The following CHM variants were observed in gnomAD, a reference collection of about 807,000 sequenced individuals.
The protein encoded by CHM is CHM Rab escort protein, also known as rab proteins geranylgeranyltransferase component A 1.
In CHM, 10 loss-of-function variants were observed where a neutral mutation model predicts 49.0. The ratio of observed to expected loss-of-function variants is 0.20; its 90% CI spans 0.13 to 0.35. CHM has a LOEUF of 0.35. Ranked by LOEUF, CHM falls within the 10% of genes least tolerant of loss-of-function variation. The pLI is 1.00. For missense variants in CHM, 455 were observed against 478.4 expected, an observed-to-expected ratio of 0.95 and a Z score of 0.46; for synonymous variants, 184 against 167.5, an observed-to-expected ratio of 1.10 and a Z score of -0.76.
intron 2 of CHM, among the ~76,000 whole-genome samples, chrX:85,997,830 A>G (rs1932510921): frequency 9.0e-6 from 1 of 111,186 alleles, no homozygotes; most frequent in Admixed American, 9.6e-5. Flanking sequence ...CATGCTTGTA[A>G]TCCTAGCTAC....
intron 8 of CHM, among the ~76,000 whole-genome samples, chrX:85,944,403 T>C (rs1224071155): frequency 8.9e-6 from 1 of 112,028 alleles, no homozygotes; most frequent in Non-Finnish European, 1.9e-5. Context: ...TTACAGTCTA[T>C]ATAAATGCAC....
In CHM at chrX:85,864,931, T is replaced by G. The variant is rs773362860; in HGVS notation, c.1771-110A>C. On this transcript the variant is annotated intron_variant, in intron 14 of 14. Coordinates refer to ENST00000357749, the MANE Select transcript of CHM (RefSeq NM_000390.4). ...AGTGTTTTATCCTTAAAAATTTGCT[T>G]AAACAGGCTACAGTACTTAATCAGA... The G allele has an allele frequency of 1.4e-5, 10 of 710,154 alleles. No individual in the cohort carries two copies. In the East Asian group the frequency reaches 3.5e-4, roughly 25 times the overall value. 58.5% of individuals were successfully genotyped at this position (710,154 alleles called of 1,213,427 possible). A position where few individuals can be genotyped will look rare whatever the true frequency, so the allele number is the denominator to read the frequency against.
chrX:85,978,826 G>C lies in CHM; in HGVS notation c.255C>G (p.Ala85=). Residue 85 remains alanine, a synonymous_variant, in exon 4 of 15, where the codon GCC becomes GCG. Transcript: ENST00000357749. ...WQDQILENEE[A]IALSRKDKTI... is the part of the protein sequence containing the mutation. The stretch of plus-strand genomic sequence containing the variant: ...TTTTGTCCTTCCTGCTAAGAGCAAT[G>C]GCTTCTTCATTTTCAAGGATCTGGT... 3.3e-6 allele frequency: 4 copies of C among 1,205,244 alleles called. No individual in the cohort carries two copies. Among genetic ancestry groups the C allele is most frequent in the Non-Finnish European group, 4.5e-6 (4 of 890,122 alleles).
intron 2 of CHM, among the ~76,000 whole-genome samples, chrX:86,004,669 C>G (rs1476337979): frequency 8.9e-6 from 1 of 111,774 alleles, no homozygotes; most frequent in Non-Finnish European, 1.9e-5. Flanking sequence ...ACAAAGAAGG[C>G]CATTACATAA....
At chrX:85,966,451 T>C (rs1232592468) in intron 4 of CHM, among the ~76,000 whole-genome samples, 1 of 110,911 alleles carries the variant, frequency 9.0e-6, no homozygotes, top group Non-Finnish European at 1.9e-5. Flanking sequence ...TGCATTCACA[T>C]GACAAAAGCC....
intron 2 of CHM, among the ~76,000 whole-genome samples, chrX:85,993,933 G>T (rs1932325556): frequency 8.9e-6 from 1 of 111,917 alleles, no homozygotes; most frequent in South Asian, 3.7e-4. Context: ...CCACAGCTTT[G>T]CACATACTTC....
chrX:85,906,908 CTG>C (rs1478573262), intron 9 of CHM, among the ~76,000 whole-genome samples: 248 of 111,795 alleles, frequency 2.2e-3, no homozygotes, highest in African/African-American at 7.8e-3. Flanking sequence ...CTGAGGCCGG[CTG>C]ATCACCTGAG....
chrX:86,046,188 AG>A (rs1205955405), intron 1 of CHM, among the ~76,000 whole-genome samples: 1 of 112,402 alleles, frequency 8.9e-6, no homozygotes, highest in African/African-American at 3.2e-5. Flanking sequence ...GCACTAAGCA[AG>A]ACCTAAAACC....
chrX:85,942,455 C>T (rs1166451718), intron 8 of CHM, among the ~76,000 whole-genome samples: 2 of 111,516 alleles, frequency 1.8e-5, no homozygotes. Flanking sequence ...TGTGATGAAA[C>T]TATGGACTTC....
In CHM at chrX:86,047,470, C is replaced by G; in HGVS notation, c.49+14G>C. 1 of 1,203,555 alleles carries G rather than the reference C, an allele frequency of 8.3e-7. No individual in the cohort carries two copies. Among genetic ancestry groups the G allele is most frequent in the Non-Finnish European group, 1.1e-6 (1 of 888,382 alleles). On this transcript the variant is annotated intron_variant, in intron 1 of 14. Transcript: ENST00000357749. ...TTCCTAAACTTTGTCCAGGAAGCAC[C>G]AGGCTACACATACCCGTCCCTATTA...
At chrX:86,019,067 A>G (rs1390324233) in intron 2 of CHM, among the ~76,000 whole-genome samples, 15 of 111,856 alleles carry the variant, frequency 1.3e-4, no homozygotes, top group Non-Finnish European at 2.8e-4. Context: ...TGCTTCTGGG[A>G]GGTGGGACAG....
chrX:85,990,640 T>C (rs974319926), intron 2 of CHM, among the ~76,000 whole-genome samples: 1 of 111,539 alleles, frequency 9.0e-6, no homozygotes, highest in Non-Finnish European at 1.9e-5. Context: ...AAAATAGTAC[T>C]GAAACTAAAT....
intron 4 of CHM, among the ~76,000 whole-genome samples, chrX:85,972,673 C>G (rs753681052): frequency 8.9e-6 from 1 of 112,791 alleles, no homozygotes; most frequent in African/African-American, 3.2e-5. Flanking sequence ...GCCAAGCCCA[C>G]GCCCACCCGG....
intron 4 of CHM, chrX:85,969,163 T>C: frequency 1.4e-6 from 1 of 733,275 alleles, no homozygotes; most frequent in South Asian, 7.0e-5. Flanking sequence ...AGGTAACAAA[T>C]AAGTTTTCAT....
chrX:85,869,285 TC>T (rs1322483823), intron 14 of CHM, among the ~76,000 whole-genome samples: 5 of 111,845 alleles, frequency 4.5e-5, no homozygotes, highest in Non-Finnish European at 9.4e-5. Context: ...AAATAGAATG[TC>T]AGTAACATTT....
At position 85,863,103 on chromosome X, in the gene CHM, T is replaced by G. The variant is rs1045416630; in HGVS notation, c.*1527A>C. ...TGCCTATGTACAGCCCCCTTTTTTT[T>G]TTTTTGTGAGACAGAGTCTTGCTCT... On this transcript the variant is annotated 3_prime_UTR_variant, in exon 15 of 15. Coordinates refer to ENST00000357749, the MANE Select transcript of CHM (RefSeq NM_000390.4). The G allele has an allele frequency of 9.1e-6, 1 of 110,077 alleles. No individual in the cohort carries two copies. Among genetic ancestry groups the G allele is most frequent in the African/African-American group, 3.3e-5 (1 of 30,091 alleles). 9.1% of individuals were successfully genotyped at this position (110,077 alleles called of 1,213,427 possible). A position where few individuals can be genotyped will look rare whatever the true frequency, so the allele number is the denominator to read the frequency against.
At chrX:85,913,014 G>GAAAAA (rs755460793) in intron 8 of CHM, among the ~76,000 whole-genome samples, 3 of 38,241 alleles carry the variant, frequency 7.8e-5, no homozygotes, top group African/African-American at 9.7e-5. Flanking sequence ...CTCCATCTCA[G>GAAAAA]AAAAAAAAAA....
In CHM at chrX:86,040,106, C is replaced by T. The variant is rs555869909; in HGVS notation, c.49+7378G>A. Among the ~76,000 whole-genome samples the T allele has an allele frequency of 2.9e-4, 33 of 112,222 alleles. No homozygotes were observed. The South Asian group carries it at 8.9e-3, about 30-fold the overall frequency. ...TTTGCCCTCACTGGTAGAAGGCAGCCGATTAACACAAAAAGGCAGAGGGCC... is the reference window on the plus strand; with the variant it reads ...TTTGCCCTCACTGGTAGAAGGCAGCTGATTAACACAAAAAGGCAGAGGGCC... On this transcript the variant is annotated intron_variant, in intron 1 of 14. Coordinates refer to ENST00000357749, the MANE Select transcript of CHM (RefSeq NM_000390.4).
At position 85,996,836 on chromosome X, in the gene CHM, G is replaced by A. The variant is rs754564720; in HGVS notation, c.117-15027C>T. ...CACTGAGCCAGATGAAGGTATGAGT[G>A]GCTATTTCCTCTATCTACCCAGACT... On this transcript the variant is annotated intron_variant, in intron 2 of 14. Transcript: ENST00000357749. Among the ~76,000 whole-genome samples, 3 of 111,488 alleles carry A rather than the reference G, an allele frequency of 2.7e-5. No individual in the cohort carries two copies. In the South Asian group the frequency reaches 1.2e-3, roughly 43 times the overall value.
Sources: gnomAD v4.1 joint callset for allele counts (sites outside exome capture counted in the v4.1 genomes callset) on GRCh38, gnomAD v4.1.1 for gene constraint, MANE v1.5 for transcripts, NCBI Gene and HGNC (gene_info 2026-07-23, HGNC 2026-07-21) for gene names.